PDE3A: variants seen among roughly 807,000 people sequenced by gnomAD.
PDE3A encodes the protein phosphodiesterase 3A, also known as cGMP-inhibited 3',5'-cyclic phosphodiesterase 3A.
In PDE3A, 43 loss-of-function variants were observed where a neutral mutation model predicts 98.3. The observed-to-expected ratio is 0.44, with a 90% CI of 0.34 to 0.56. The LOEUF (loss-of-function observed/expected upper bound fraction) is 0.56. Among genes scored for constraint, PDE3A ranks in the 20% least tolerant of loss-of-function variants. The probability of loss-of-function intolerance (pLI) is 0.01; values close to 1 mark genes in which losing one functional copy is unlikely to be tolerated. For missense variants in PDE3A, 1,427 were observed against 1,440.7 expected, an observed-to-expected ratio of 0.99 and a Z score of 0.15; for synonymous variants, 663 against 567.9, an observed-to-expected ratio of 1.17 and a Z score of -2.38.
chr12:20,462,940 T>A (rs1420819793), intron 1 of PDE3A, among the ~76,000 whole-genome samples: 1 of 151,840 alleles, frequency 6.6e-6, no homozygotes, highest in African/African-American at 2.4e-5. Flanking sequence ...CCAGGCTAAT[T>A]TTTAATTTTT....
intron 1 of PDE3A, among the ~76,000 whole-genome samples, chr12:20,444,545 G>C (rs1425235575): frequency 6.6e-6 from 1 of 152,170 alleles, no homozygotes. Flanking sequence ...CAGTCTCTAT[G>C]TTCCCTATAT....
intron 1 of PDE3A, among the ~76,000 whole-genome samples, chr12:20,487,378 A>G (rs1303921344): frequency 6.6e-6 from 1 of 151,828 alleles, no homozygotes; most frequent in African/African-American, 2.4e-5. Flanking sequence ...AAAAAGGTGC[A>G]TAAGGCTGGA....
chr12:20,439,310 C>A (rs2120835204), intron 1 of PDE3A, among the ~76,000 whole-genome samples: 1 of 152,228 alleles, frequency 6.6e-6, no homozygotes. Context: ...TTTACTTTTT[C>A]CTAACATTGA....
At position 20,668,281 on chromosome 12, in the gene PDE3A, C is replaced by T. The variant is rs539919971; in HGVS notation, c.3185-11749C>T. Among the ~76,000 whole-genome samples, 397 of 152,294 alleles carry T rather than the reference C, an allele frequency of 2.6e-3. 3 individuals carry two copies. Among genetic ancestry groups the T allele is most frequent in the South Asian group, 0.01 (49 of 4,822 alleles). ...GCAGTGAGGCTGGGGGAGGGGCGCC[C>T]GCCATTGCCCAGGCTTGATTAGGTA... is the stretch of plus-strand genomic sequence containing the variant. On this transcript the variant is annotated intron_variant, in intron 15 of 15. Transcript: ENST00000359062.
At chr12:20,492,102 T>G (rs1353490297) in intron 1 of PDE3A, among the ~76,000 whole-genome samples, 1 of 152,120 alleles carries the variant, frequency 6.6e-6, no homozygotes, top group African/African-American at 2.4e-5. Context: ...TGCCTCAGCC[T>G]TCTGAGTAGC....
chr12:20,460,988 A>G (rs974037940), intron 1 of PDE3A, among the ~76,000 whole-genome samples: 4 of 152,188 alleles, frequency 2.6e-5, no homozygotes, highest in African/African-American at 9.7e-5. Flanking sequence ...AATAGGCTAC[A>G]GTATTTCTTG....
chr12:20,615,944 A>T (rs976119773), intron 3 of PDE3A, among the ~76,000 whole-genome samples: 1 of 152,002 alleles, frequency 6.6e-6, no homozygotes, highest in Non-Finnish European at 1.5e-5. Context: ...GGTTGGTCTC[A>T]AACTCCTGAC....
intron 15 of PDE3A, among the ~76,000 whole-genome samples, chr12:20,667,652 G>C (rs913920258): frequency 2.0e-5 from 3 of 152,116 alleles, no homozygotes; most frequent in African/African-American, 7.2e-5. Flanking sequence ...CTAACACCAT[G>C]CTGTTTTGTT....
intron 2 of PDE3A, among the ~76,000 whole-genome samples, chr12:20,561,673 T>C (rs1432491829): frequency 6.6e-6 from 1 of 152,122 alleles, no homozygotes; most frequent in Admixed American, 6.5e-5. Flanking sequence ...GAGTTAAGCT[T>C]CCCCTGGCTT....
chr12:20,419,284 T>G (rs1425515080), intron 1 of PDE3A, among the ~76,000 whole-genome samples: 1 of 152,070 alleles, frequency 6.6e-6, no homozygotes, highest in African/African-American at 2.4e-5. Context: ...TTTTTTTGCT[T>G]ATACCAGGTG....
At chr12:20,575,407 G>T (rs1388098896) in intron 2 of PDE3A, among the ~76,000 whole-genome samples, 1 of 151,888 alleles carries the variant, frequency 6.6e-6, no homozygotes, top group East Asian at 1.9e-4. Context: ...ACTAAAATTA[G>T]GAGGGAAAAA....
intron 6 of PDE3A, among the ~76,000 whole-genome samples, chr12:20,631,303 C>T (rs1435411349): frequency 6.6e-6 from 1 of 152,158 alleles, no homozygotes; most frequent in Non-Finnish European, 1.5e-5. Context: ...GAAGATATAT[C>T]ATACATCCCT....
chr12:20,663,495 G>T (rs1369616285), intron 15 of PDE3A, among the ~76,000 whole-genome samples: 1 of 152,210 alleles, frequency 6.6e-6, no homozygotes, highest in Non-Finnish European at 1.5e-5. Context: ...GCTGCCCAAG[G>T]CTGTGGGAGC....
At chr12:20,401,218 C>T (rs993988267) in intron 1 of PDE3A, among the ~76,000 whole-genome samples, 1 of 152,090 alleles carries the variant, frequency 6.6e-6, no homozygotes, top group Non-Finnish European at 1.5e-5. Flanking sequence ...AACTGGTCTC[C>T]CTACCCTCAT....
chr12:20,423,232 A>T (rs902724142), intron 1 of PDE3A, among the ~76,000 whole-genome samples: 2 of 152,216 alleles, frequency 1.3e-5, no homozygotes, highest in Non-Finnish European at 2.9e-5. Context: ...TTGTGTTTTC[A>T]TAGGTATGAA....
intron 1 of PDE3A, among the ~76,000 whole-genome samples, chr12:20,454,091 A>G (rs1259701315): frequency 2.1e-5 from 3 of 144,698 alleles, no homozygotes; most frequent in Non-Finnish European, 3.0e-5. Context: ...CTCAGCCGTC[A>G]TCTGTCTCTG....
chr12:20,562,946 C>T (rs906953349), intron 2 of PDE3A, among the ~76,000 whole-genome samples: 7 of 152,240 alleles, frequency 4.6e-5, no homozygotes, highest in African/African-American at 1.7e-4. Flanking sequence ...ATTAAATGCA[C>T]ACTAGACTAT....
At chr12:20,408,842 A>G (rs1490541763) in intron 1 of PDE3A, among the ~76,000 whole-genome samples, 4 of 152,154 alleles carry the variant, frequency 2.6e-5, no homozygotes, top group Non-Finnish European at 4.4e-5. Context: ...CTCTGTGACA[A>G]CATTAATTAT....
In PDE3A at chr12:20,597,695, C is replaced by T. The variant is rs547275781; in HGVS notation, c.1012-15748C>T. Among the ~76,000 whole-genome samples the T allele has an allele frequency of 1.8e-4, 27 of 152,282 alleles. 1 individual carries two copies. The South Asian group carries it at 5.4e-3, about 30-fold the overall frequency. ...TTCTTATAACCAGGGGTACTGGATA[C>T]ACCCACAGGGTTTTCTCCTTTATCC... On this transcript the variant is annotated intron_variant, in intron 2 of 15. Coordinates refer to ENST00000359062, the MANE Select transcript of PDE3A (RefSeq NM_000921.5).
Sources: gnomAD v4.1 joint callset for allele counts (sites outside exome capture counted in the v4.1 genomes callset) on GRCh38, gnomAD v4.1.1 for gene constraint, MANE v1.5 for transcripts, NCBI Gene and HGNC (gene_info 2026-07-23, HGNC 2026-07-21) for gene names.